LCT: variants seen among roughly 807,000 people sequenced by gnomAD.
LCT encodes the protein lactase, also known as lactase/phlorizin hydrolase.
In LCT, 90 loss-of-function variants were observed where a neutral mutation model predicts 173.0. The observed-to-expected ratio is 0.52, with a 90% CI of 0.44 to 0.62. The LOEUF (loss-of-function observed/expected upper bound fraction) is 0.62. Among genes scored for constraint, LCT ranks in the 20% least tolerant of loss-of-function variants. The pLI is 0.00. For missense variants in LCT, 1,864 were observed against 2,431.4 expected (o/e 0.77, Z 4.91); for synonymous variants, 853 against 957.6 (o/e 0.89, Z 2.02).
At chr2:135,833,042 T>C in intron 2 of LCT, 69 bp downstream of exon 2, 1 of 1,203,938 alleles carries the variant, frequency 8.3e-7, no homozygotes, top group Non-Finnish European at 1.2e-6. Context: ...CCAAAACTTC[T>C]CTTGTTTTTA....
chr2:135,808,941 C>A lies in LCT; in HGVS notation c.3406G>T (p.Val1136Phe). The change falls in exon 8 of 17, where the codon GTC (valine) becomes TTC (phenylalanine). Residue 1136 changes from valine (V) to phenylalanine (F), a missense_variant. Coordinates refer to ENST00000264162, the MANE Select transcript of LCT (RefSeq NM_002299.4). ...THWAEPKSPG[V>F]PRDVEAADRM... ...TCAGCGGCTTCCACATCTCTGGGGACCCCTGGTGACTTGGGCTCTGCCCAG... is the reference window on the plus strand; with the variant it reads ...TCAGCGGCTTCCACATCTCTGGGGAACCCTGGTGACTTGGGCTCTGCCCAG... 2 of 1,614,112 alleles carry A rather than the reference C, an allele frequency of 1.2e-6. No homozygotes were observed.
chr2:135,789,740 A>G lies in LCT; in HGVS notation c.5394T>C (p.Phe1798=), dbSNP rs1288986421. The change falls in exon 16 of 17, where the codon TTT becomes TTC. Residue 1798 remains phenylalanine, a synonymous_variant. Coordinates refer to ENST00000264162, the MANE Select transcript of LCT (RefSeq NM_002299.4). ...GYTVWSAMDN[F]EWATGFSERF... ...TCTCTGAAAAGCCTGTGGCCCACTC[A>G]AAATTGTCCATCGCACTCCAAACTG... 6.2e-7 allele frequency: 1 copy of G among 1,614,120 alleles called. No homozygotes were observed. Among genetic ancestry groups the G allele is most frequent in the Non-Finnish European group, 8.5e-7 (1 of 1,180,022 alleles).
intron 1 of LCT, among the ~76,000 whole-genome samples, chr2:135,836,005 T>TATATATATATATATATATATATAC (rs1558748623): frequency 5.4e-5 from 1 of 18,384 alleles, no homozygotes; most frequent in African/African-American, 8.4e-5. Context: ...TATATATATA[T>TATATATATATATATATATATATAC]ATATATATAT....
Position 135,790,647 on chromosome 2 carries a change from G to A in LCT, c.5335+11C>T. On this transcript the variant is annotated intron_variant, in intron 15 of 16. Transcript: ENST00000264162. The surrounding 1 kb of genome is among the most constrained non-coding windows in gnomAD (Gnocchi z 4.1). Reference sequence around the variant, plus strand: ...GAAGGTGCACGCTGGGGAAGGGCGGGCCCGTCGTACCTTTGAGGGCCTCAT... The same window carrying A: ...GAAGGTGCACGCTGGGGAAGGGCGGACCCGTCGTACCTTTGAGGGCCTCAT... 6.4e-7 allele frequency: 1 copy of A among 1,562,208 alleles called. No homozygotes were observed. Among genetic ancestry groups the A allele is most frequent in the Non-Finnish European group, 8.8e-7 (1 of 1,134,304 alleles).
At chr2:135,794,355 C>A in intron 14 of LCT, 1 of 368,356 alleles carries the variant, frequency 2.7e-6, no homozygotes, top group Non-Finnish European at 4.9e-6. Flanking sequence ...GTTAAGCAGC[C>A]TGTGAAAAAG....
Position 135,796,171 on chromosome 2 carries a change from G to A in LCT, c.4977-1396C>T, listed in dbSNP as rs78859047. On this transcript the variant is annotated intron_variant, in intron 13 of 16. Coordinates refer to ENST00000264162, the MANE Select transcript of LCT (RefSeq NM_002299.4). ...TGTACAGGTGATCCTGAATGCATGC[G>A]CATGCCCACAGGGAGACCTGGGGCT... Among the ~76,000 whole-genome samples the A allele has an allele frequency of 9.2e-3, 1,398 of 152,320 alleles. 13 individuals are homozygous for A. Among genetic ancestry groups the A allele is most frequent in the African/African-American group, 0.026 (1,082 of 41,570 alleles).
At chr2:135,821,967 G>T in intron 5 of LCT, 53 bp downstream of exon 5, 1 of 1,033,218 alleles carries the variant, frequency 9.7e-7, no homozygotes, top group South Asian at 1.3e-5. Context: ...AAAAGAAACA[G>T]AGTATTCTAC....
At chr2:135,810,593 A>G (rs1351803378) in intron 7 of LCT, among the ~76,000 whole-genome samples, 2 of 152,164 alleles carry the variant, frequency 1.3e-5, no homozygotes, top group Non-Finnish European at 2.9e-5. Context: ...AAAATACATA[A>G]ATCAATCTTT....
At chr2:135,795,819 GGT>G (rs1367465684) in intron 13 of LCT, among the ~76,000 whole-genome samples, 1 of 151,572 alleles carries the variant, frequency 6.6e-6, no homozygotes, top group Non-Finnish European at 1.5e-5. Flanking sequence ...GGAGTGCAGT[GGT>G]GCAATCATAG....
At chr2:135,834,597 G>T (rs1175806593) in intron 1 of LCT, among the ~76,000 whole-genome samples, 1 of 149,092 alleles carries the variant, frequency 6.7e-6, no homozygotes, top group Admixed American at 6.7e-5. Flanking sequence ...AGTCCAGCCT[G>T]GCCAACACGG....
At chr2:135,826,489 C>T (rs1558744691) in intron 3 of LCT, among the ~76,000 whole-genome samples, 1 of 152,012 alleles carries the variant, frequency 6.6e-6, no homozygotes, top group Non-Finnish European at 1.5e-5. Flanking sequence ...TCGCTTGAAC[C>T]CCAGAGGTGC....
chr2:135,810,775 C>T (rs1455855369), intron 7 of LCT, among the ~76,000 whole-genome samples: 12 of 150,952 alleles, frequency 7.9e-5, no homozygotes, highest in African/African-American at 2.7e-4. Flanking sequence ...GCCTGTAATC[C>T]CAGTACTTTG....
chr2:135,788,153 T>G lies in LCT; in HGVS notation c.*171A>C, dbSNP rs2105515199. The G allele has an allele frequency of 1.5e-6, 1 of 668,814 alleles. No homozygotes were observed. Among genetic ancestry groups the G allele is most frequent in the East Asian group, 2.5e-5 (1 of 39,918 alleles). The allele number at this position is 668,814 out of a possible 1,614,324, so 41.4% of individuals were successfully genotyped here. A position where few individuals can be genotyped will look rare whatever the true frequency, so the allele number is the denominator to read the frequency against. ...CTGGAGCAAGATGGAGATATTTCCA[T>G]TTTACTCAGCAAGTCGAAATCATTC... On this transcript the variant is annotated 3_prime_UTR_variant, in exon 17 of 17. Transcript: ENST00000264162.
intron 13 of LCT, 75 bp from the exon 14 acceptor site, chr2:135,794,850 G>A (rs1342858083): frequency 6.4e-7 from 1 of 1,574,098 alleles, no homozygotes; most frequent in Non-Finnish European, 8.7e-7. Flanking sequence ...ATAGGGCTGG[G>A]GCGGGGGAGC....
Position 135,788,278 on chromosome 2 carries a change from G to C in LCT, c.*46C>G, listed in dbSNP as rs2077507521. On this transcript the variant is annotated 3_prime_UTR_variant, in exon 17 of 17. Coordinates refer to ENST00000264162, the MANE Select transcript of LCT (RefSeq NM_002299.4). The stretch of plus-strand genomic sequence containing the variant: ...AGGTGTTTGGTGGCCGGTAAACATA[G>C]ATGAAGAAACTAGGCCTGCTTCATA... 1.4e-6 allele frequency: 2 copies of C among 1,397,214 alleles called. No individual in the cohort carries two copies. Among genetic ancestry groups the C allele is most frequent in the South Asian group, 2.3e-5 (2 of 86,894 alleles). 86.6% of individuals were successfully genotyped at this position (1,397,214 alleles called of 1,614,324 possible). A position where few individuals can be genotyped will look rare whatever the true frequency, so the allele number is the denominator to read the frequency against.
chr2:135,795,178 T>C (rs146292598), intron 13 of LCT, among the ~76,000 whole-genome samples: 170 of 151,642 alleles, frequency 1.1e-3, no homozygotes, highest in African/African-American at 3.6e-3. Context: ...TATCTGAGAC[T>C]CTTCCCCTAT....
At chr2:135,803,117 A>C in intron 11 of LCT, among the ~76,000 whole-genome samples, 1 of 152,284 alleles carries the variant, frequency 6.6e-6, no homozygotes, top group South Asian at 2.1e-4. Context: ...GTCTCAAAAA[A>C]ATAAAAAATG....
At chr2:135,818,910 A>C (rs971299772) in intron 5 of LCT, among the ~76,000 whole-genome samples, 2 of 152,240 alleles carry the variant, frequency 1.3e-5, no homozygotes, top group African/African-American at 2.4e-5. Flanking sequence ...GTACAGAAGT[A>C]CACTGATGTG....
At chr2:135,806,437 G>A (rs2077675914) in intron 9 of LCT, among the ~76,000 whole-genome samples, 2 of 152,218 alleles carry the variant, frequency 1.3e-5, no homozygotes, top group African/African-American at 4.8e-5. Context: ...TAAGTGTGCA[G>A]TGTTCATAAA....
Sources: allele counts gnomAD v4.1 joint callset (sites outside exome capture counted in the v4.1 genomes callset), GRCh38; gene constraint gnomAD v4.1.1; non-coding constraint Gnocchi (gnomAD v3.1); transcripts MANE v1.5; gene names NCBI Gene and HGNC (gene_info 2026-07-23, HGNC 2026-07-21).